ENOX1: variants seen among roughly 807,000 people sequenced by gnomAD.
The protein encoded by ENOX1 is candidate growth-related and time keeping constitutive hydroquinone (NADH) oxidase.
In ENOX1, 42 loss-of-function variants were observed where a neutral mutation model predicts 82.5. The observed-to-expected ratio is 0.51, with a 90% CI of 0.40 to 0.66. ENOX1 has a LOEUF of 0.66. Among genes scored for constraint, ENOX1 ranks in the 30% least tolerant of loss-of-function variants. ENOX1 has a pLI of 0.00. For missense variants in ENOX1, 608 were observed against 811.6 expected, an observed-to-expected ratio of 0.75 and a Z score of 3.05; for synonymous variants, 271 against 282.2, an observed-to-expected ratio of 0.96 and a Z score of 0.40.
intron 5 of ENOX1, among the ~76,000 whole-genome samples, chr13:43,384,125 C>T (rs1027461880): frequency 9.2e-5 from 14 of 152,324 alleles, no homozygotes; most frequent in African/African-American, 3.4e-4. Flanking sequence ...AATAACAGCA[C>T]TGATTTCACT....
At chr13:43,470,342 GTATATATATA>G (rs56828107) in intron 3 of ENOX1, among the ~76,000 whole-genome samples, 9,910 of 43,040 alleles carry the variant, frequency 0.23, 1,781 homozygotes, top group Middle Eastern at 0.5. Flanking sequence ...ATATATATAC[GTATATATATA>G]TGTATATATA....
At chr13:43,504,666 G>A (rs1324163047) in intron 2 of ENOX1, among the ~76,000 whole-genome samples, 3 of 151,332 alleles carry the variant, frequency 2.0e-5, no homozygotes, top group Non-Finnish European at 4.4e-5. Context: ...CCAGAGGAAG[G>A]GCAAAATGTG....
chr13:43,510,202 G>C (rs991611715), intron 2 of ENOX1, among the ~76,000 whole-genome samples: 1 of 152,032 alleles, frequency 6.6e-6, no homozygotes, highest in African/African-American at 2.4e-5. Context: ...CAATCCATGT[G>C]AGATTTTACA....
At chr13:43,732,720 T>C (rs2089415935) in intron 1 of ENOX1, among the ~76,000 whole-genome samples, 1 of 152,212 alleles carries the variant, frequency 6.6e-6, no homozygotes. Context: ...AAGAATTAGT[T>C]GGTAGATTTA....
At chr13:43,772,920 T>C (rs1951729109) in intron 1 of ENOX1, among the ~76,000 whole-genome samples, 4 of 152,182 alleles carry the variant, frequency 2.6e-5, no homozygotes, top group Admixed American at 1.3e-4. Flanking sequence ...TAGATCTGAA[T>C]AGTGTATGGA....
chr13:43,721,317 T>A (rs1010083701), intron 1 of ENOX1, among the ~76,000 whole-genome samples: 7 of 151,358 alleles, frequency 4.6e-5, no homozygotes, highest in Admixed American at 4.6e-4. Context: ...ATAGCAAATT[T>A]AAAACACCAT....
At chr13:43,582,171 T>C (rs1298122950) in intron 2 of ENOX1, among the ~76,000 whole-genome samples, 1 of 152,102 alleles carries the variant, frequency 6.6e-6, no homozygotes, top group African/African-American at 2.4e-5. Context: ...TCTTATCTTC[T>C]GAAAATTTTA....
chr13:43,252,901 G>C (rs2043537464), intron 14 of ENOX1, among the ~76,000 whole-genome samples: 1 of 152,192 alleles, frequency 6.6e-6, no homozygotes, highest in Non-Finnish European at 1.5e-5. Flanking sequence ...ATCTCCATCA[G>C]AGCTGGGAAG....
At chr13:43,708,279 C>T (rs895247462) in intron 1 of ENOX1, among the ~76,000 whole-genome samples, 8 of 152,166 alleles carry the variant, frequency 5.3e-5, no homozygotes, top group Admixed American at 4.6e-4. Flanking sequence ...CAAGTGCGGA[C>T]AGGCCATTGC....
At chr13:43,283,102 T>A (rs551305507) in intron 12 of ENOX1, among the ~76,000 whole-genome samples, 30,569 of 147,218 alleles carry the variant, frequency 0.21, 3,223 homozygotes, top group African/African-American at 0.23. Context: ...AAAAAAAAAA[T>A]TTAAGCTATT....
At position 43,666,123 on chromosome 13, in the gene ENOX1, A is replaced by G. The variant is rs147941932; in HGVS notation, c.-219+1356T>C. 2.6e-3 allele frequency among the ~76,000 whole-genome samples: 403 copies of G among 152,182 alleles called. 1 individual carries two copies. The highest frequency in any genetic ancestry group is 2.3e-3 in the Non-Finnish European group (157 of 68,018). ...TTAGAAATCCTTTATTGCTAAAACAATGTTGATACAGGAACACAGTGTAAG... is the reference window on the plus strand; with the variant it reads ...TTAGAAATCCTTTATTGCTAAAACAGTGTTGATACAGGAACACAGTGTAAG... On this transcript the variant is annotated intron_variant, in intron 2 of 16. Transcript: ENST00000690772.
intron 2 of ENOX1, among the ~76,000 whole-genome samples, chr13:43,564,090 C>T (rs953432570): frequency 6.6e-6 from 1 of 152,018 alleles, no homozygotes. Flanking sequence ...AGACCAATAT[C>T]CCTGATGAAT....
intron 2 of ENOX1, among the ~76,000 whole-genome samples, chr13:43,535,382 G>A (rs145007110): frequency 3.1e-4 from 47 of 152,300 alleles, no homozygotes; most frequent in African/African-American, 1.1e-3. Context: ...TATGTAGCAA[G>A]ATCCATCTTT....
intron 14 of ENOX1, among the ~76,000 whole-genome samples, chr13:43,253,138 A>G (rs1478754986): frequency 6.6e-6 from 1 of 152,194 alleles, no homozygotes; most frequent in African/African-American, 2.4e-5. Flanking sequence ...TGATGCAAGC[A>G]GATTTCACAG....
intron 5 of ENOX1, among the ~76,000 whole-genome samples, chr13:43,370,872 C>T (rs1376319208): frequency 6.6e-6 from 1 of 151,728 alleles, no homozygotes; most frequent in Non-Finnish European, 1.5e-5. Context: ...TCTTTTTGTC[C>T]CCACAAACTG....
At chr13:43,225,863 TCA>T (rs1475336119) in intron 15 of ENOX1, among the ~76,000 whole-genome samples, 1 of 152,176 alleles carries the variant, frequency 6.6e-6, no homozygotes, top group Non-Finnish European at 1.5e-5. Flanking sequence ...AGGTAGAATC[TCA>T]GTTTTTAAAG....
At chr13:43,505,278 T>C (rs2077113937) in intron 2 of ENOX1, among the ~76,000 whole-genome samples, 1 of 152,008 alleles carries the variant, frequency 6.6e-6, no homozygotes, top group African/African-American at 2.4e-5. Flanking sequence ...AGAAAAATTC[T>C]AGATGATAGA....
intron 14 of ENOX1, among the ~76,000 whole-genome samples, chr13:43,240,406 G>A (rs1334587518): frequency 6.6e-6 from 1 of 151,988 alleles, no homozygotes; most frequent in African/African-American, 2.4e-5. Flanking sequence ...TTTTATCTGG[G>A]AGGCTTAACA....
chr13:43,219,274 C>A (rs1053420680), intron 16 of ENOX1, among the ~76,000 whole-genome samples: 7 of 152,154 alleles, frequency 4.6e-5, no homozygotes, highest in African/African-American at 1.7e-4. Flanking sequence ...CACTCCCAAG[C>A]ATATTATGAG....
Sources: gnomAD v4.1 joint callset for allele counts (sites outside exome capture counted in the v4.1 genomes callset) on GRCh38, gnomAD v4.1.1 for gene constraint, MANE v1.5 for transcripts, NCBI Gene and HGNC (gene_info 2026-07-23, HGNC 2026-07-21) for gene names.